KAT6B: variants seen among roughly 807,000 people sequenced by gnomAD.
The protein encoded by KAT6B is histone acetyltransferase KAT6B.
A neutral mutation model predicts 187.5 loss-of-function variants in KAT6B; 10 were observed. The observed-to-expected ratio is 0.05, with a 90% CI of 0.03 to 0.09. KAT6B has a LOEUF of 0.09. Among genes scored for constraint, KAT6B ranks in the 10% least tolerant of loss-of-function variants. KAT6B has a pLI of 1.00. For synonymous variants in KAT6B, 861 were observed against 926.8 expected (o/e 0.93, Z 1.29); for missense variants, 1,952 against 2,558.9 (o/e 0.76, Z 5.12).
At chr10:74,830,142 A>G (rs1266070154) in intron 1 of KAT6B, among the ~76,000 whole-genome samples, 1 of 151,924 alleles carries the variant, frequency 6.6e-6, no homozygotes, top group Non-Finnish European at 1.5e-5. Context: ...GTGATGGGAT[A>G]TTTCTTCCCT....
intron 15 of KAT6B, 62 bp from the exon 16 acceptor site, chr10:75,021,819 T>C: frequency 2.5e-6 from 4 of 1,586,456 alleles, no homozygotes; most frequent in Non-Finnish European, 3.5e-6. Context: ...CCATTGATCC[T>C]CAGAGGCTCT....
intron 13 of KAT6B, among the ~76,000 whole-genome samples, chr10:74,995,069 C>G (rs7922317): frequency 0.032 from 4,927 of 152,282 alleles, 255 homozygotes; most frequent in African/African-American, 0.11. Flanking sequence ...TAATTCCTTT[C>G]TCTGACAGTG....
At chr10:74,825,923 G>A (rs1207041774), upstream of KAT6B, among the ~76,000 whole-genome samples, 1 of 151,566 alleles carries the variant, frequency 6.6e-6, no homozygotes. This position sits in a 1 kb window ranked among gnomAD's most constrained non-coding sequence, Gnocchi z 5.0. Context: ...GGGACGGGAC[G>A]GGACGGGAGA....
intron 17 of KAT6B, among the ~76,000 whole-genome samples, chr10:75,027,701 G>A (rs1845978469): frequency 1.3e-5 from 2 of 152,026 alleles, no homozygotes; most frequent in African/African-American, 4.8e-5. Context: ...GAACTGAAAT[G>A]AACTTCACAA....
chr10:74,863,540 CTG>C (rs1284176147), intron 3 of KAT6B, among the ~76,000 whole-genome samples: 1 of 152,172 alleles, frequency 6.6e-6, no homozygotes, highest in Non-Finnish European at 1.5e-5. Flanking sequence ...TTATCAAAAA[CTG>C]TTCCAAAAAG....
At chr10:74,839,095 G>A (rs1319558754) in intron 2 of KAT6B, among the ~76,000 whole-genome samples, 1 of 151,564 alleles carries the variant, frequency 6.6e-6, no homozygotes, top group African/African-American at 2.4e-5. Context: ...GGAGATTGCA[G>A]TGAGCCGAGA....
intron 3 of KAT6B, among the ~76,000 whole-genome samples, chr10:74,924,182 T>C (rs1042873683): frequency 6.6e-6 from 1 of 152,122 alleles, no homozygotes; most frequent in Non-Finnish European, 1.5e-5. Context: ...ACCTTTAAAT[T>C]TTTAAAACAT....
chr10:74,872,590 C>T (rs1844075122), intron 3 of KAT6B, among the ~76,000 whole-genome samples: 1 of 152,040 alleles, frequency 6.6e-6, no homozygotes, highest in Non-Finnish European at 1.5e-5. Flanking sequence ...GTTACCCAGG[C>T]TGATTTTGAA....
At chr10:74,915,184 A>G (rs1304983559) in intron 3 of KAT6B, among the ~76,000 whole-genome samples, 2 of 152,202 alleles carry the variant, frequency 1.3e-5, no homozygotes, top group South Asian at 2.1e-4. Context: ...ATAATGATAC[A>G]TTATTACTAT....
At chr10:74,912,429 T>A (rs1847313904) in intron 3 of KAT6B, among the ~76,000 whole-genome samples, 1 of 119,802 alleles carries the variant, frequency 8.3e-6, no homozygotes, top group Non-Finnish European at 1.9e-5. Context: ...AGATGAAGGT[T>A]GAAGGGTAGG....
chr10:75,003,547 G>A (rs1466129271), intron 13 of KAT6B, among the ~76,000 whole-genome samples: 1 of 152,128 alleles, frequency 6.6e-6, no homozygotes, highest in African/African-American at 2.4e-5. Flanking sequence ...TTGGGCTTTT[G>A]CTGGGTTTTG....
rs201769534 is a variant in KAT6B, at chr10:75,022,093, GGAGGAGGAAGAA to G, written c.3252_3263del (p.Glu1086_Glu1089del). 9.0e-3 allele frequency: 14,512 copies of G among 1,607,396 alleles called. 85 individuals carry two copies. Among genetic ancestry groups the G allele is most frequent in the East Asian group, 0.011 (475 of 44,832 alleles). On this transcript the variant is annotated inframe_deletion, in exon 16 of 18. Coordinates refer to ENST00000287239, the MANE Select transcript of KAT6B (RefSeq NM_012330.4). ...AAGAAGAAGAGGAGGAGGAGGACGA[GGAGGAGGAAGAA>G]GAGGAGGAAGAAGAGGAAGAGGATG...
At chr10:74,936,394 C>T (rs1849271014) in intron 3 of KAT6B, among the ~76,000 whole-genome samples, 1 of 149,008 alleles carries the variant, frequency 6.7e-6, no homozygotes, top group Non-Finnish European at 1.5e-5. Context: ...CAGAGTAAGA[C>T]TCCATCTCAA....
chr10:75,016,174 G>A (rs936056492), intron 13 of KAT6B, among the ~76,000 whole-genome samples: 12 of 152,184 alleles, frequency 7.9e-5, no homozygotes, highest in Non-Finnish European at 1.5e-4. Context: ...TAATAGATCT[G>A]TCTACATGAG....
At chr10:74,950,089 T>TA (rs1479870507) in intron 3 of KAT6B, among the ~76,000 whole-genome samples, 3 of 152,248 alleles carry the variant, frequency 2.0e-5, no homozygotes, top group Non-Finnish European at 2.9e-5. Context: ...GGGGAGGTGA[T>TA]ACAATAAAAA....
intron 11 of KAT6B, chr10:74,983,922 C>T (rs758794085): frequency 5.3e-5 from 8 of 152,202 alleles, no homozygotes; most frequent in Non-Finnish European, 7.3e-5. Flanking sequence ...TCACACATTA[C>T]GATTTTCTGG....
At chr10:74,834,403 G>A (rs748422456) in intron 1 of KAT6B, among the ~76,000 whole-genome samples, 32 of 152,058 alleles carry the variant, frequency 2.1e-4, no homozygotes, top group Admixed American at 4.6e-4. Flanking sequence ...TCACCATGTT[G>A]GCCAGGATGG....
chr10:75,004,609 A>G (rs1422260345), intron 13 of KAT6B, among the ~76,000 whole-genome samples: 1 of 152,158 alleles, frequency 6.6e-6, no homozygotes, highest in Non-Finnish European at 1.5e-5. Flanking sequence ...TGCAATTTCA[A>G]ATTTCAGAGA....
chr10:74,857,309 C>CT (rs1310552797), intron 3 of KAT6B, among the ~76,000 whole-genome samples: 13 of 152,140 alleles, frequency 8.5e-5, no homozygotes, highest in Non-Finnish European at 1.8e-4. Context: ...AGGAGAGAAT[C>CT]TTTTCCCTTG....
Sources: allele counts gnomAD v4.1 joint callset (sites outside exome capture counted in the v4.1 genomes callset), GRCh38; gene constraint gnomAD v4.1.1; non-coding constraint Gnocchi (gnomAD v3.1); transcripts MANE v1.5; gene names NCBI Gene and HGNC (gene_info 2026-07-23, HGNC 2026-07-21).